Variants in CEP128 observed in about 807,000 individuals in gnomAD.
CEP128 encodes the protein centrosomal protein 128kDa.
Under a neutral mutation model 156.7 loss-of-function variants are expected in CEP128, and 132 were observed. The observed-to-expected ratio is 0.84, with a 90% CI of 0.73 to 0.97. The LOEUF (loss-of-function observed/expected upper bound fraction) is 0.97, where lower values mean the gene tolerates loss of function less well. CEP128 is among the 50% of genes least tolerant of loss of function. The pLI is 0.00. For missense variants in CEP128, 1,252 were observed against 1,281.9 expected (o/e 0.98, Z 0.36); for synonymous variants, 469 against 448.9 (o/e 1.04, Z -0.57).
chr14:80,651,248 G>T (rs1019043302), intron 19 of CEP128, among the ~76,000 whole-genome samples: 4 of 151,998 alleles, frequency 2.6e-5, no homozygotes, highest in African/African-American at 7.2e-5. Flanking sequence ...TATTTCTGTG[G>T]GATCAGTGGT....
intron 19 of CEP128, among the ~76,000 whole-genome samples, chr14:80,592,584 G>A (rs1014790155): frequency 9.2e-5 from 14 of 152,260 alleles, no homozygotes; most frequent in Admixed American, 3.3e-4. Context: ...AGAGGAGCTG[G>A]TACCATTCCT....
At chr14:80,596,071 A>G (rs1385420488) in intron 19 of CEP128, among the ~76,000 whole-genome samples, 1 of 146,802 alleles carries the variant, frequency 6.8e-6, no homozygotes, top group Non-Finnish European at 1.5e-5. Flanking sequence ...AAAAAAAAAA[A>G]GAGGCAGAGG....
At chr14:80,664,487 A>G (rs568547468) in intron 19 of CEP128, among the ~76,000 whole-genome samples, 15 of 119,812 alleles carry the variant, frequency 1.3e-4, no homozygotes, top group African/African-American at 4.8e-4. Flanking sequence ...ACAGAATATG[A>G]GGGCAAAAAA....
chr14:80,761,361 C>T, intron 17 of CEP128, 76 bp downstream of exon 17: 1 of 1,122,300 alleles, frequency 8.9e-7, no homozygotes, highest in Admixed American at 2.4e-5. Flanking sequence ...CTGACTACCA[C>T]ACATGAAAAT....
chr14:80,804,236 A>T lies in CEP128; in HGVS notation c.1210-11126T>A, dbSNP rs1278038349. Among the ~76,000 whole-genome samples, 3 of 152,268 alleles carry T rather than the reference A, an allele frequency of 2.0e-5. No homozygotes were observed. In the East Asian group the frequency reaches 5.8e-4, roughly 29 times the overall value. On this transcript the variant is annotated intron_variant, in intron 13 of 24. Coordinates refer to ENST00000555265, the MANE Select transcript of CEP128 (RefSeq NM_152446.5). ...TGGTATGCACACAATTAATTACAAT[A>T]TTTCTTATATAAAAACACACAAACC... is the stretch of plus-strand genomic sequence containing the variant.
intron 19 of CEP128, among the ~76,000 whole-genome samples, chr14:80,606,601 G>A (rs1014268547): frequency 6.6e-6 from 1 of 152,042 alleles, no homozygotes; most frequent in Non-Finnish European, 1.5e-5. Context: ...AGAAAGGAAA[G>A]GAAAATGCTC....
At chr14:80,635,483 T>C (rs975529445) in intron 19 of CEP128, among the ~76,000 whole-genome samples, 1 of 152,176 alleles carries the variant, frequency 6.6e-6, no homozygotes. Flanking sequence ...GACCCTGTTA[T>C]TGCATTTGTT....
At chr14:80,836,949 T>G (rs549728154) in intron 11 of CEP128, among the ~76,000 whole-genome samples, 1 of 152,272 alleles carries the variant, frequency 6.6e-6, no homozygotes, top group African/African-American at 2.4e-5. Flanking sequence ...CAAAGAAATC[T>G]CTTGCTTCCA....
chr14:80,638,217 A>G (rs970784731), intron 19 of CEP128, among the ~76,000 whole-genome samples: 6 of 152,146 alleles, frequency 3.9e-5, no homozygotes, highest in African/African-American at 1.4e-4. Flanking sequence ...GAATGGCCAA[A>G]TCGTATAGTT....
At chr14:80,501,488 T>C (rs956987730) in intron 24 of CEP128, among the ~76,000 whole-genome samples, 3 of 152,078 alleles carry the variant, frequency 2.0e-5, no homozygotes, top group African/African-American at 7.2e-5. Context: ...TACCTCCTTT[T>C]CTTTCTTTCT....
At chr14:80,705,076 A>T (rs557869582) in intron 19 of CEP128, among the ~76,000 whole-genome samples, 1 of 152,032 alleles carries the variant, frequency 6.6e-6, no homozygotes, top group South Asian at 2.1e-4. Flanking sequence ...TTGTAAACAT[A>T]ACTATAATGC....
chr14:80,793,229 A>T (rs1023826496), intron 13 of CEP128, 119 bp from the exon 14 acceptor site: 5 of 704,812 alleles, frequency 7.1e-6, no homozygotes, highest in Non-Finnish European at 1.2e-5. Context: ...ATTAAAATTC[A>T]TTAGCAATCA....
intron 21 of CEP128, among the ~76,000 whole-genome samples, chr14:80,553,139 T>C (rs1466897521): frequency 6.6e-6 from 1 of 152,098 alleles, no homozygotes; most frequent in Non-Finnish European, 1.5e-5. Flanking sequence ...TGCAGATTTG[T>C]TACATAGGTA....
intron 19 of CEP128, among the ~76,000 whole-genome samples, chr14:80,620,043 TGA>T (rs1747805077): frequency 6.6e-6 from 1 of 151,754 alleles, no homozygotes; most frequent in Non-Finnish European, 1.5e-5. Flanking sequence ...AAAAATCACT[TGA>T]ACTCGGGAGG....
chr14:80,655,570 C>A (rs1273604865), intron 19 of CEP128, among the ~76,000 whole-genome samples: 4 of 152,140 alleles, frequency 2.6e-5, no homozygotes, highest in African/African-American at 9.7e-5. Flanking sequence ...ATGACCCAGG[C>A]CTTGCCATTC....
chr14:80,571,892 G>C (rs182365031), intron 20 of CEP128, among the ~76,000 whole-genome samples: 1 of 152,294 alleles, frequency 6.6e-6, no homozygotes, highest in East Asian at 1.9e-4. Context: ...ACAAGTACTA[G>C]TTCTCTCACC....
chr14:80,718,050 T>C (rs1438527329), intron 19 of CEP128, among the ~76,000 whole-genome samples: 1 of 152,066 alleles, frequency 6.6e-6, no homozygotes, highest in Non-Finnish European at 1.5e-5. Flanking sequence ...TTGTTTTCGG[T>C]TTTTTGAAGA....
intron 16 of CEP128, among the ~76,000 whole-genome samples, chr14:80,770,977 A>G (rs1353520327): frequency 6.6e-6 from 1 of 152,192 alleles, no homozygotes; most frequent in Non-Finnish European, 1.5e-5. Flanking sequence ...AGTAGTGAAT[A>G]CTTCATAGAA....
chr14:80,897,254 T>G (rs1436651306), intron 7 of CEP128, among the ~76,000 whole-genome samples: 4 of 152,182 alleles, frequency 2.6e-5, no homozygotes, highest in African/African-American at 9.7e-5. Flanking sequence ...CACTAGCTAT[T>G]CCATCTCAGC....
Sources: gnomAD v4.1 joint callset for allele counts (sites outside exome capture counted in the v4.1 genomes callset) on GRCh38, gnomAD v4.1.1 for gene constraint, MANE v1.5 for transcripts, NCBI Gene and HGNC (gene_info 2026-07-23, HGNC 2026-07-21) for gene names.